ST3GAL2: variants seen among roughly 807,000 people sequenced by gnomAD.
ST3GAL2 encodes the protein CMP-N-acetylneuraminate-beta-galactosamide-alpha-2,3-sialyltransferase 2.
A neutral mutation model predicts 37.5 loss-of-function variants in ST3GAL2; 16 were observed. That is an observed-to-expected ratio of 0.43 (90% confidence interval 0.29 to 0.65). The LOEUF is 0.65. ST3GAL2 is among the 30% of genes least tolerant of loss of function. The probability of loss-of-function intolerance (pLI) is 0.17; values close to 1 mark genes in which losing one functional copy is unlikely to be tolerated. For synonymous variants in ST3GAL2, 238 were observed against 202.9 expected, an observed-to-expected ratio of 1.17 and a Z score of -1.47; for missense variants, 383 against 487.8, an observed-to-expected ratio of 0.79 and a Z score of 2.02.
intron 1 of ST3GAL2, among the ~76,000 whole-genome samples, chr16:70,418,226 G>A (rs913954605): frequency 2.6e-5 from 4 of 152,252 alleles, no homozygotes; most frequent in South Asian, 4.1e-4. Context: ...TTTTTCCTAC[G>A]GCCTGGTGGG....
At chr16:70,433,859 C>T (rs1049996228) in intron 1 of ST3GAL2, among the ~76,000 whole-genome samples, 7 of 152,190 alleles carry the variant, frequency 4.6e-5, no homozygotes, top group Non-Finnish European at 5.9e-5. Context: ...CCCCTATGCT[C>T]TAGAAAAAAG....
chr16:70,432,852 G>A (rs550222697), intron 1 of ST3GAL2, among the ~76,000 whole-genome samples: 138 of 152,320 alleles, frequency 9.1e-4, no homozygotes, highest in Non-Finnish European at 1.6e-3. Context: ...GCACAGAAGG[G>A]GAAGGAGGAG....
In ST3GAL2 at chr16:70,380,923, A is replaced by T. The variant is rs889996598; in HGVS notation, c.*766T>A. 6 of 153,582 alleles carry T rather than the reference A, an allele frequency of 3.9e-5. No homozygotes were observed. The highest frequency in any genetic ancestry group is 1.4e-4 in the African/African-American group (6 of 41,472). 9.5% of individuals were successfully genotyped at this position (153,582 alleles called of 1,614,324 possible). ...TGGTGAGGAGGCCTCCGGCCCAGGG[A>T]GAGGCGCTGAGAAGGCTGCGGGTGA... On this transcript the variant is annotated 3_prime_UTR_variant, in exon 7 of 7. Transcript: ENST00000342907.
intron 1 of ST3GAL2, among the ~76,000 whole-genome samples, 196 bp downstream of exon 1, chr16:70,438,753 G>A (rs1004335091): frequency 6.6e-6 from 1 of 152,082 alleles, no homozygotes; most frequent in Admixed American, 6.5e-5. Flanking sequence ...AGAAGGCGGG[G>A]ATCCGGAATG....
rs1403593213 is a variant in ST3GAL2 at position 70,378,801 on chromosome 16, G to A, written c.*2888C>T. On this transcript the variant is annotated 3_prime_UTR_variant, in exon 7 of 7. Coordinates refer to ENST00000342907, the MANE Select transcript of ST3GAL2 (RefSeq NM_006927.4). The stretch of plus-strand genomic sequence containing the variant: ...ACCTGAGGTCTGGAGTTCAAGACTA[G>A]CCTGACCAACATGGAGAAAACCCGT... 6.6e-6 allele frequency: 1 copy of A among 152,152 alleles called. No individual in the cohort carries two copies. Among genetic ancestry groups the A allele is most frequent in the Non-Finnish European group, 1.5e-5 (1 of 68,104 alleles). 9.4% of individuals were successfully genotyped at this position (152,152 alleles called of 1,614,324 possible).
At chr16:70,382,009 A>C in intron 6 of ST3GAL2, 147 bp from the exon 7 acceptor site, 7 of 842,060 alleles carry the variant, frequency 8.3e-6, no homozygotes, top group Non-Finnish European at 1.3e-5. Context: ...ATGGACTCAC[A>C]TGGGGACACC....
chr16:70,426,255 G>A (rs1381668963), intron 1 of ST3GAL2, among the ~76,000 whole-genome samples: 6 of 145,092 alleles, frequency 4.1e-5, no homozygotes, highest in Admixed American at 3.6e-4. Flanking sequence ...GTGCAGTGGC[G>A]CGATCTCGGC....
rs2047418498 is a variant in ST3GAL2, at chr16:70,383,253, G to A, written c.714-18C>T. ...CGTAGGTGCTGTAAGCAAAAAGAAA[G>A]AAAGATAACATTTCAGGCTGGGCAC... On this transcript the variant is annotated intron_variant, in intron 4 of 6. Coordinates refer to ENST00000342907, the MANE Select transcript of ST3GAL2 (RefSeq NM_006927.4). The A allele has an allele frequency of 1.3e-6, 2 of 1,598,718 alleles. No individual in the cohort carries two copies. Among genetic ancestry groups the A allele is most frequent in the Non-Finnish European group, 1.7e-6 (2 of 1,176,218 alleles).
At position 70,379,054 on chromosome 16, in the gene ST3GAL2, T is replaced by C. The variant is rs2047374210; in HGVS notation, c.*2635A>G. On this transcript the variant is annotated 3_prime_UTR_variant, in exon 7 of 7. Transcript: ENST00000342907. ...CGGGTTGCCTGTGGCATGGTGGAAA[T>C]TGGGCTGTGGAGGCAGGGCTGTGCC... The C allele has an allele frequency of 6.6e-6, 1 of 152,308 alleles. No individual in the cohort carries two copies. The highest frequency in any genetic ancestry group is 1.9e-4 in the East Asian group (1 of 5,182). 9.4% of individuals were successfully genotyped at this position (152,308 alleles called of 1,614,324 possible).
intron 3 of ST3GAL2, 133 bp from the exon 4 acceptor site, chr16:70,388,679 A>C: frequency 2.1e-6 from 2 of 951,714 alleles, no homozygotes; most frequent in Admixed American, 6.3e-5. Flanking sequence ...CCATTGCTAG[A>C]AATCTGCCCT....
At chr16:70,436,710 A>AT (rs1448544644) in intron 1 of ST3GAL2, among the ~76,000 whole-genome samples, 2 of 152,106 alleles carry the variant, frequency 1.3e-5, no homozygotes, top group Non-Finnish European at 2.9e-5. Context: ...ACCTGTAACC[A>AT]TGAGACCTTC....
In ST3GAL2 at chr16:70,381,497, G is replaced by A. The variant is rs1228589320; in HGVS notation, c.*192C>T. The A allele has an allele frequency of 1.2e-5, 8 of 654,902 alleles. No homozygotes were observed. Among genetic ancestry groups the A allele is most frequent in the South Asian group, 9.9e-5 (5 of 50,304 alleles). 40.6% of individuals were successfully genotyped at this position (654,902 alleles called of 1,614,324 possible). On this transcript the variant is annotated 3_prime_UTR_variant, in exon 7 of 7. Transcript: ENST00000342907. ...CCTTGAGTCACATGATTGGCTGGGAGAAACAGAAGCTCCGCCCGACCGCAG... is the reference window on the plus strand; with the variant it reads ...CCTTGAGTCACATGATTGGCTGGGAAAAACAGAAGCTCCGCCCGACCGCAG...
At chr16:70,423,279 C>A (rs1481431737) in intron 1 of ST3GAL2, among the ~76,000 whole-genome samples, 1 of 152,140 alleles carries the variant, frequency 6.6e-6, no homozygotes, top group Non-Finnish European at 1.5e-5. Flanking sequence ...GAGGCTGCGT[C>A]CGGAAGATCA....
chr16:70,385,383 G>A (rs893565443), intron 4 of ST3GAL2, among the ~76,000 whole-genome samples: 1 of 152,188 alleles, frequency 6.6e-6, no homozygotes, highest in Non-Finnish European at 1.5e-5. Context: ...GGGTTGAGGG[G>A]AGAATGGAGA....
At chr16:70,419,049 C>A (rs1251960215) in intron 1 of ST3GAL2, among the ~76,000 whole-genome samples, 1 of 152,182 alleles carries the variant, frequency 6.6e-6, no homozygotes, top group Non-Finnish European at 1.5e-5. Context: ...CTCCCCCTCT[C>A]CCAACTCTTG....
At chr16:70,400,464 G>A (rs960593750) in intron 1 of ST3GAL2, 2 of 152,484 alleles carry the variant, frequency 1.3e-5, no homozygotes, top group Non-Finnish European at 2.9e-5. Flanking sequence ...CCTAGCCCCT[G>A]GGCCTCTCAG....
chr16:70,438,286 G>C (rs1187375103), intron 1 of ST3GAL2, among the ~76,000 whole-genome samples: 1 of 152,256 alleles, frequency 6.6e-6, no homozygotes, highest in South Asian at 2.1e-4. Context: ...GAATGACTGG[G>C]GGTAAGAAAT....
Position 70,381,399 on chromosome 16 carries a change from G to C in ST3GAL2, c.*290C>G, listed in dbSNP as rs967920238. 5 of 409,692 alleles carry C rather than the reference G, an allele frequency of 1.2e-5. No individual in the cohort carries two copies. The highest frequency in any genetic ancestry group is 2.2e-5 in the Non-Finnish European group (5 of 224,618). 25.4% of individuals were successfully genotyped at this position (409,692 alleles called of 1,614,324 possible). ...CCCTAACCCAAAGCATGAGGGAGTG[G>C]GGATTGAGCGGCCGCTGGCCCGCCC... On this transcript the variant is annotated 3_prime_UTR_variant, in exon 7 of 7. Coordinates refer to ENST00000342907, the MANE Select transcript of ST3GAL2 (RefSeq NM_006927.4).
intron 1 of ST3GAL2, among the ~76,000 whole-genome samples, chr16:70,437,006 TA>T (rs2047829821): frequency 6.6e-6 from 1 of 152,132 alleles, no homozygotes; most frequent in Non-Finnish European, 1.5e-5. Context: ...GCAGACTCCT[TA>T]ATCCCAGGTG....
Sources: allele counts gnomAD v4.1 joint callset (sites outside exome capture counted in the v4.1 genomes callset), GRCh38; gene constraint gnomAD v4.1.1; transcripts MANE v1.5; gene names NCBI Gene and HGNC (gene_info 2026-07-23, HGNC 2026-07-21).